GRIN2B: variants seen among roughly 807,000 people sequenced by gnomAD.
GRIN2B encodes the protein glutamate receptor ionotropic, NMDA 2B.
GRIN2B carries 5 observed loss-of-function variants against 114.5 expected under a neutral mutation model. That is an observed-to-expected ratio of 0.04 (90% CI 0.02 to 0.09). The LOEUF is 0.09. Ranked by LOEUF, GRIN2B falls within the 10% of genes least tolerant of loss-of-function variation. GRIN2B has a pLI of 1.00. For synonymous variants in GRIN2B, 787 were observed against 745.1 expected, an observed-to-expected ratio of 1.06 and a Z score of -0.92; for missense variants, 1,108 against 1,943.5, an observed-to-expected ratio of 0.57 and a Z score of 8.08.
chr12:13,919,801 T>C (rs1189231408), intron 2 of GRIN2B, among the ~76,000 whole-genome samples: 5 of 151,906 alleles, frequency 3.3e-5, no homozygotes, highest in South Asian at 2.1e-4. Context: ...TGAACACTGA[T>C]GGGAATGTGG....
chr12:13,789,079 T>TC (rs1450298916), intron 3 of GRIN2B, among the ~76,000 whole-genome samples: 1 of 151,784 alleles, frequency 6.6e-6, no homozygotes. Flanking sequence ...GTTGTTGTTT[T>TC]TTTTCCTATA....
chr12:13,730,882 T>A (rs1370225113), intron 4 of GRIN2B, among the ~76,000 whole-genome samples: 6 of 152,204 alleles, frequency 3.9e-5, no homozygotes, highest in Non-Finnish European at 8.8e-5. Context: ...ACATTTGACA[T>A]GACTAAACCC....
chr12:13,601,840 G>A (rs1160854886), intron 10 of GRIN2B, among the ~76,000 whole-genome samples: 5 of 152,188 alleles, frequency 3.3e-5, no homozygotes, highest in Non-Finnish European at 7.3e-5. Flanking sequence ...TAAGCCACAG[G>A]ATGTTGAACT....
At chr12:13,591,347 C>G (rs536556688) in intron 10 of GRIN2B, among the ~76,000 whole-genome samples, 7 of 152,240 alleles carry the variant, frequency 4.6e-5, no homozygotes, top group Admixed American at 1.3e-4. Flanking sequence ...AGGAGCGAAC[C>G]CTGGGTGGAT....
intron 5 of GRIN2B, among the ~76,000 whole-genome samples, chr12:13,642,147 C>A (rs1379103266): frequency 6.6e-6 from 1 of 152,052 alleles, no homozygotes; most frequent in Non-Finnish European, 1.5e-5. Flanking sequence ...GAGATCACGC[C>A]ACTGCACTCC....
chr12:13,807,915 G>A (rs1334279588), intron 3 of GRIN2B, among the ~76,000 whole-genome samples: 1 of 151,994 alleles, frequency 6.6e-6, no homozygotes, highest in Non-Finnish European at 1.5e-5. Flanking sequence ...AGTTTAAGCA[G>A]CAGTAGAAAG....
At chr12:13,638,281 G>A (rs535398950) in intron 5 of GRIN2B, among the ~76,000 whole-genome samples, 42 of 152,160 alleles carry the variant, frequency 2.8e-4, no homozygotes, top group African/African-American at 3.9e-4. Context: ...AAGAAAAGTC[G>A]TATAAGAGAC....
In GRIN2B at chr12:13,551,318, G is replaced by T. The variant is rs1217458030; in HGVS notation, c.*11465C>A. ...CGAATATGTATGTATCTAAGCAACA[G>T]GACTGTCTGTTCTCAGGGGGACTGG... is the stretch of plus-strand genomic sequence containing the variant. On this transcript the variant is annotated 3_prime_UTR_variant, in exon 14 of 14. Coordinates refer to ENST00000609686, the MANE Select transcript of GRIN2B (RefSeq NM_000834.5). 1 of 152,108 alleles carries T rather than the reference G, an allele frequency of 6.6e-6. No individual in the cohort carries two copies. The highest frequency in any genetic ancestry group is 1.5e-5 in the Non-Finnish European group (1 of 68,030). 9.4% of individuals were successfully genotyped at this position (152,108 alleles called of 1,614,324 possible).
At position 13,558,470 on chromosome 12, in the gene GRIN2B, C is replaced by T. The variant is rs1044772582; in HGVS notation, c.*4313G>A. ...AATCTTGAACTAACTAACTAAAAACCGACCAAAAAAAAAAAAAAAATGAAC... is the reference window on the plus strand; with the variant it reads ...AATCTTGAACTAACTAACTAAAAACTGACCAAAAAAAAAAAAAAAATGAAC... On this transcript the variant is annotated 3_prime_UTR_variant, in exon 14 of 14. Coordinates refer to ENST00000609686, the MANE Select transcript of GRIN2B (RefSeq NM_000834.5). The T allele has an allele frequency of 1.5e-4, 18 of 121,578 alleles. No homozygotes were observed. The highest frequency in any genetic ancestry group is 5.3e-4 in the Admixed American group (6 of 11,258). 7.5% of individuals were successfully genotyped at this position (121,578 alleles called of 1,614,324 possible).
intron 3 of GRIN2B, among the ~76,000 whole-genome samples, chr12:13,767,818 A>G (rs752418215): frequency 9.2e-5 from 14 of 152,336 alleles, no homozygotes; most frequent in Non-Finnish European, 4.4e-5. Context: ...AATTTTCATA[A>G]GAGTCCCCAA....
chr12:13,855,934 T>C (rs1007378276), intron 3 of GRIN2B, among the ~76,000 whole-genome samples: 1 of 152,150 alleles, frequency 6.6e-6, no homozygotes, highest in African/African-American at 2.4e-5. Context: ...CACTATGTGC[T>C]AGGAAGACGA....
At chr12:13,716,593 G>A (rs116304401) in intron 4 of GRIN2B, among the ~76,000 whole-genome samples, 1 of 151,992 alleles carries the variant, frequency 6.6e-6, no homozygotes, top group African/African-American at 2.4e-5. Context: ...AAGAAAGATG[G>A]AAGACAGGGA....
chr12:13,712,976 G>A (rs1402333541), intron 4 of GRIN2B, among the ~76,000 whole-genome samples: 2 of 151,614 alleles, frequency 1.3e-5, no homozygotes, highest in African/African-American at 2.4e-5. Context: ...TATATACAAC[G>A]CAAGGTGCTA....
chr12:13,670,855 A>G (rs115556875), intron 5 of GRIN2B, among the ~76,000 whole-genome samples: 3,072 of 152,240 alleles, frequency 0.02, 108 homozygotes, highest in African/African-American at 0.071. Context: ...TGATCCAGAG[A>G]TCTCTTTGCT....
intron 3 of GRIN2B, among the ~76,000 whole-genome samples, chr12:13,782,457 C>T (rs761704343): frequency 6.6e-6 from 1 of 152,158 alleles, no homozygotes; most frequent in Non-Finnish European, 1.5e-5. Context: ...AGGTTAAGAA[C>T]AGTAATATAC....
At chr12:13,639,661 C>T (rs189570051) in intron 5 of GRIN2B, among the ~76,000 whole-genome samples, 2 of 152,214 alleles carry the variant, frequency 1.3e-5, no homozygotes, top group African/African-American at 4.8e-5. Flanking sequence ...GAGAGATGAC[C>T]TGATCAGCAC....
intron 2 of GRIN2B, among the ~76,000 whole-genome samples, chr12:13,949,864 A>C (rs750522878): frequency 6.6e-6 from 1 of 152,166 alleles, no homozygotes; most frequent in Non-Finnish European, 1.5e-5. Context: ...GAACCAAACC[A>C]ATCAAATTTA....
chr12:13,956,780 G>A (rs1749666093), intron 2 of GRIN2B, among the ~76,000 whole-genome samples: 1 of 152,174 alleles, frequency 6.6e-6, no homozygotes, highest in Admixed American at 6.5e-5. Context: ...TGGATGAATA[G>A]CATCCATGTC....
chr12:13,795,266 A>C (rs1389596721), intron 3 of GRIN2B, among the ~76,000 whole-genome samples: 1 of 152,222 alleles, frequency 6.6e-6, no homozygotes, highest in East Asian at 1.9e-4. Context: ...AAAAAAAGTT[A>C]ACACATCAGG....
Sources: gnomAD v4.1 joint callset for allele counts (sites outside exome capture counted in the v4.1 genomes callset) on GRCh38, gnomAD v4.1.1 for gene constraint, MANE v1.5 for transcripts, NCBI Gene and HGNC (gene_info 2026-07-23, HGNC 2026-07-21) for gene names.